The following GRID2 variants were observed in gnomAD, a reference collection of about 807,000 sequenced individuals.
GRID2 encodes the protein glutamate ionotropic receptor delta type subunit 2.
A neutral mutation model predicts 114.8 loss-of-function variants in GRID2; 33 were observed. That is an observed-to-expected ratio of 0.29 (90% confidence interval 0.22 to 0.38). GRID2 has a LOEUF of 0.38. Ranked by LOEUF, GRID2 falls within the 10% of genes least tolerant of loss-of-function variation. The pLI is 1.00. For synonymous variants in GRID2, 505 were observed against 449.9 expected (o/e 1.12, Z -1.55); for missense variants, 1,184 against 1,257.7 (o/e 0.94, Z 0.89).
chr4:92,646,481 A>C (rs971461444), intron 2 of GRID2, among the ~76,000 whole-genome samples: 2 of 152,258 alleles, frequency 1.3e-5, no homozygotes, highest in Non-Finnish European at 2.9e-5. Context: ...TGACTAAAAA[A>C]AAAAAACTTG....
intron 1 of GRID2, among the ~76,000 whole-genome samples, chr4:92,479,340 G>T (rs911528781): frequency 6.6e-6 from 1 of 151,978 alleles, no homozygotes; most frequent in African/African-American, 2.4e-5. Flanking sequence ...TGTTAGAATG[G>T]TCCAAGTCTA....
intron 12 of GRID2, among the ~76,000 whole-genome samples, chr4:93,503,992 A>C (rs1466668207): frequency 6.6e-6 from 1 of 152,072 alleles, no homozygotes; most frequent in Non-Finnish European, 1.5e-5. Context: ...TATTCATTAG[A>C]TACTTCACTG....
At chr4:92,810,317 T>A (rs1330590678) in intron 2 of GRID2, among the ~76,000 whole-genome samples, 3 of 151,936 alleles carry the variant, frequency 2.0e-5, no homozygotes, top group Non-Finnish European at 4.4e-5. Context: ...TAACCACAGT[T>A]AGATATTTTC....
intron 2 of GRID2, among the ~76,000 whole-genome samples, chr4:92,597,451 C>T (rs1032925097): frequency 1.3e-5 from 2 of 152,068 alleles, no homozygotes; most frequent in African/African-American, 2.4e-5. Flanking sequence ...CTTTGTGCTT[C>T]GAGGACTTTT....
At chr4:93,048,014 GA>G (rs1336850048) in intron 2 of GRID2, among the ~76,000 whole-genome samples, 2 of 151,974 alleles carry the variant, frequency 1.3e-5, no homozygotes, top group Non-Finnish European at 2.9e-5. Flanking sequence ...TTGGAAACTG[GA>G]AATTAAAATC....
intron 8 of GRID2, among the ~76,000 whole-genome samples, chr4:93,312,109 T>C (rs556150993): frequency 7.3e-4 from 111 of 152,272 alleles, no homozygotes; most frequent in African/African-American, 2.4e-3. Flanking sequence ...CTGTGATTTC[T>C]TCCTTCCTTC....
At chr4:93,014,182 A>G (rs1722461772) in intron 2 of GRID2, among the ~76,000 whole-genome samples, 1 of 152,090 alleles carries the variant, frequency 6.6e-6, no homozygotes, top group Admixed American at 6.6e-5. Flanking sequence ...AAAATACCAC[A>G]GACTTGGTGG....
At chr4:93,134,877 G>A (rs906589464) in intron 4 of GRID2, among the ~76,000 whole-genome samples, 19 of 151,982 alleles carry the variant, frequency 1.3e-4, no homozygotes, top group East Asian at 3.9e-4. Context: ...TGTATGCCTC[G>A]TTGCCCCTCG....
At chr4:93,136,797 C>T (rs1735295163) in intron 4 of GRID2, among the ~76,000 whole-genome samples, 3 of 151,960 alleles carry the variant, frequency 2.0e-5, no homozygotes, top group African/African-American at 7.3e-5. Flanking sequence ...AAGGTGATTC[C>T]ACAACTGACC....
intron 2 of GRID2, among the ~76,000 whole-genome samples, chr4:92,779,186 A>ATGTGTGTGTGTGTGTG (rs70942930): frequency 1.0e-3 from 154 of 147,350 alleles, no homozygotes; most frequent in African/African-American, 3.8e-3. Flanking sequence ...TAGTAAGTAA[A>ATGTGTGTGTGTGTGTG]TGTGTGTGTG....
intron 13 of GRID2, among the ~76,000 whole-genome samples, chr4:93,612,861 C>CT (rs1320925159): frequency 2.9e-5 from 4 of 137,010 alleles, no homozygotes; most frequent in South Asian, 2.5e-4. Context: ...GTTGGCCTGC[C>CT]TTGCTAGATT....
chr4:93,062,514 C>G (rs936094456), intron 2 of GRID2, among the ~76,000 whole-genome samples: 3 of 152,002 alleles, frequency 2.0e-5, no homozygotes, highest in Admixed American at 1.3e-4. Flanking sequence ...GTGTTGTGCA[C>G]TAGTTATACT....
intron 14 of GRID2, among the ~76,000 whole-genome samples, chr4:93,679,021 T>G (rs1490126062): frequency 6.6e-6 from 1 of 151,102 alleles, no homozygotes; most frequent in Non-Finnish European, 1.5e-5. Context: ...GTGTGCTGTA[T>G]TCAGGAAACC....
At chr4:93,283,256 A>T (rs1469373713) in intron 8 of GRID2, among the ~76,000 whole-genome samples, 3 of 152,082 alleles carry the variant, frequency 2.0e-5, no homozygotes, top group African/African-American at 7.2e-5. Flanking sequence ...GTTTCATTTT[A>T]TTAATGTAAT....
rs533294375 is a variant in GRID2 at position 93,644,133 on chromosome 4, C to T, written c.2360+17698C>T. ...GGAAAGGGAACTCCCTGACCCCTTG[C>T]GCTTCCCAGGTGAGGCAATGCCTCG... On this transcript the variant is annotated intron_variant, in intron 14 of 15. Coordinates refer to ENST00000282020, the MANE Select transcript of GRID2 (RefSeq NM_001510.4). 2.3e-5 allele frequency among the ~76,000 whole-genome samples: 2 copies of T among 86,226 alleles called. 1 individual carries two copies. The highest frequency in any genetic ancestry group is 4.6e-4 in the East Asian group (2 of 4,330). 56.6% of individuals were successfully genotyped at this position (86,226 alleles called of 152,430 possible). A position where few individuals can be genotyped will look rare whatever the true frequency, so the allele number is the denominator to read the frequency against.
At chr4:92,617,153 G>T (rs1730042223) in intron 2 of GRID2, among the ~76,000 whole-genome samples, 1 of 150,968 alleles carries the variant, frequency 6.6e-6, no homozygotes, top group African/African-American at 2.4e-5. Flanking sequence ...ACAAGAATTT[G>T]TTCCTATCTA....
intron 13 of GRID2, among the ~76,000 whole-genome samples, chr4:93,616,818 C>A (rs1338519598): frequency 1.3e-5 from 2 of 151,174 alleles, no homozygotes; most frequent in African/African-American, 4.9e-5. Flanking sequence ...TAGTGAAACC[C>A]CATCTCTACT....
intron 1 of GRID2, among the ~76,000 whole-genome samples, chr4:93,782,882 C>T (rs920908756): frequency 8.1e-5 from 10 of 122,722 alleles, no homozygotes; most frequent in African/African-American, 3.2e-4. Context: ...AAAATATAAA[C>T]CATGAATCAT....
intron 1 of GRID2, among the ~76,000 whole-genome samples, chr4:92,583,349 G>T (rs985953561): frequency 1.0e-4 from 6 of 58,256 alleles, no homozygotes; most frequent in Non-Finnish European, 2.2e-4. Context: ...AATAATATTT[G>T]CTAATTGTCA....
Sources: allele counts gnomAD v4.1 joint callset (sites outside exome capture counted in the v4.1 genomes callset), GRCh38; gene constraint gnomAD v4.1.1; transcripts MANE v1.5; gene names NCBI Gene and HGNC (gene_info 2026-07-23, HGNC 2026-07-21).